Variants in NLGN1 observed in about 807,000 individuals in gnomAD.
NLGN1 encodes the protein neuroligin-1.
NLGN1 carries 12 observed loss-of-function variants against 65.5 expected under a neutral mutation model. The ratio of observed to expected loss-of-function variants is 0.18; its 90% confidence interval spans 0.12 to 0.30. The LOEUF (loss-of-function observed/expected upper bound fraction) is 0.30, where lower values mean the gene tolerates loss of function less well. Among genes scored for constraint, NLGN1 ranks in the 10% least tolerant of loss-of-function variants. NLGN1 has a pLI of 1.00. For synonymous variants in NLGN1, 350 were observed against 359.5 expected (o/e 0.97, Z 0.30); for missense variants, 750 against 1,007.1 (o/e 0.74, Z 3.46).
In NLGN1 at chr3:173,650,992, T is replaced by C. The variant is rs181233464; in HGVS notation, c.493+45901T>C. Among the ~76,000 whole-genome samples the C allele has an allele frequency of 3.6e-3, 554 of 152,066 alleles. 1 individual carries two copies. Among genetic ancestry groups the C allele is most frequent in the Non-Finnish European group, 6.3e-3 (429 of 67,964 alleles). ...GCATTTTTGATACATGGATAAATTG[T>C]GTAGTGTTGAAGTCTGGGCTTTTAA... On this transcript the variant is annotated intron_variant, in intron 3 of 6. Coordinates refer to ENST00000457714, the Ensembl canonical transcript of NLGN1.
At chr3:174,294,332 A>G in the NLGN1 span, among the ~76,000 whole-genome samples, 1 of 151,790 alleles carries the variant, frequency 6.6e-6, no homozygotes, top group South Asian at 2.1e-4. Context: ...ATGAAATTAT[A>G]AGAGTTCTCT....
At chr3:174,189,118 G>C (rs1425281817) in intron 4 of NLGN1, among the ~76,000 whole-genome samples, 1 of 151,872 alleles carries the variant, frequency 6.6e-6, no homozygotes, top group Non-Finnish European at 1.5e-5. Flanking sequence ...ATTTTTAAAG[G>C]GTGGGTGTTT....
At chr3:173,857,910 C>T (rs1489139658) in intron 4 of NLGN1, among the ~76,000 whole-genome samples, 1 of 144,552 alleles carries the variant, frequency 6.9e-6, no homozygotes, top group Non-Finnish European at 1.5e-5. Context: ...CATTGAGCAT[C>T]TTCAGGGTGT....
At chr3:174,123,473 A>T (rs980486751) in intron 4 of NLGN1, among the ~76,000 whole-genome samples, 10 of 152,136 alleles carry the variant, frequency 6.6e-5, no homozygotes, top group African/African-American at 2.2e-4. Flanking sequence ...GTTTGGAAAC[A>T]TTCCCTTCAC....
At chr3:173,834,260 T>C (rs1448864810) in intron 4 of NLGN1, among the ~76,000 whole-genome samples, 1 of 152,200 alleles carries the variant, frequency 6.6e-6, no homozygotes, top group Non-Finnish European at 1.5e-5. Context: ...ATTTAATTAA[T>C]AAGGCATTAC....
upstream of NLGN1, among the ~76,000 whole-genome samples, chr3:173,397,409 G>A (rs941871301): frequency 6.6e-6 from 1 of 152,026 alleles, no homozygotes; most frequent in Non-Finnish European, 1.5e-5. Flanking sequence ...GGGAGATGTG[G>A]GAACTTCCCC....
At chr3:173,886,911 C>A (rs1261818536) in intron 4 of NLGN1, among the ~76,000 whole-genome samples, 1 of 151,944 alleles carries the variant, frequency 6.6e-6, no homozygotes, top group Non-Finnish European at 1.5e-5. Flanking sequence ...TAGGCGAGTT[C>A]AAGAAAAAAT....
chr3:174,047,315 T>C (rs989376690), intron 4 of NLGN1, among the ~76,000 whole-genome samples: 2 of 152,050 alleles, frequency 1.3e-5, no homozygotes, highest in East Asian at 3.9e-4. Context: ...TATTGTACAG[T>C]AAACCCTAGG....
chr3:174,275,207 C>A, intron 4 of NLGN1, 108 bp from the exon 5 acceptor site: 3 of 765,890 alleles, frequency 3.9e-6, no homozygotes, highest in South Asian at 1.8e-5. Flanking sequence ...TACTAATGAA[C>A]TTGGACTGTC....
intron 2 of NLGN1, among the ~76,000 whole-genome samples, chr3:173,550,635 G>C (rs933222343): frequency 3.2e-5 from 1 of 31,694 alleles, no homozygotes; most frequent in Admixed American, 2.9e-4. Context: ...TTTGTAACCT[G>C]CAATGTCTTT....
chr3:173,492,547 G>A (rs932717584), intron 2 of NLGN1, among the ~76,000 whole-genome samples: 1 of 151,654 alleles, frequency 6.6e-6, no homozygotes, highest in Non-Finnish European at 1.5e-5. Flanking sequence ...TATTTTCTAG[G>A]CAAGGTTGAA....
intron 2 of NLGN1, among the ~76,000 whole-genome samples, chr3:173,544,259 CGTGTGTGTGT>C (rs3980148): frequency 6.9e-5 from 10 of 144,144 alleles, no homozygotes; most frequent in East Asian, 2.0e-4. Context: ...GATTATATTA[CGTGTGTGTGT>C]GTGTGTGTGT....
chr3:173,985,249 AC>A (rs1560779386), intron 4 of NLGN1, among the ~76,000 whole-genome samples: 2 of 152,160 alleles, frequency 1.3e-5, no homozygotes, highest in African/African-American at 4.8e-5. Flanking sequence ...GACAATTTGA[AC>A]CTTTTTGCTT....
intron 4 of NLGN1, among the ~76,000 whole-genome samples, chr3:173,975,562 G>A (rs180772149): frequency 9.9e-4 from 151 of 152,058 alleles, no homozygotes; most frequent in African/African-American, 3.4e-3. Flanking sequence ...ATAAAGATGA[G>A]TATAGAATCT....
Position 173,604,800 on chromosome 3 carries a change from G to C in NLGN1, c.202G>C (p.Glu68Gln), listed in dbSNP as rs774580240. 85 of 1,613,724 alleles carry C rather than the reference G, an allele frequency of 5.3e-5. 1 individual carries two copies. The highest frequency in any genetic ancestry group is 6.9e-5 in the Non-Finnish European group (81 of 1,179,760). The change falls in exon 3 of 7, where the codon GAA (glutamate) becomes CAA (glutamine). Residue 68 changes from glutamate (E) to glutamine (Q), a missense_variant. Glu to Gln is a conservative substitution (Grantham distance 29, BLOSUM62 2). Transcript: ENST00000457714. ...TGGAAAGATAAGAGGGATTAAGAAG[G>C]AACTCAATAATGAAATTTTGGGGCC...
At chr3:173,615,743 GTTTT>G (rs5854521) in intron 3 of NLGN1, among the ~76,000 whole-genome samples, 1 of 141,512 alleles carries the variant, frequency 7.1e-6, no homozygotes, top group Non-Finnish European at 1.5e-5. Flanking sequence ...CCATCCATCT[GTTTT>G]TTTTTTTTTT....
intron 4 of NLGN1, among the ~76,000 whole-genome samples, chr3:173,816,034 AAATAT>A (rs200950694): frequency 0.011 from 1,534 of 144,896 alleles, 17 homozygotes; most frequent in African/African-American, 0.036. Flanking sequence ...ACAAAATTAT[AAATAT>A]AATATAGTCA....
intron 2 of NLGN1, among the ~76,000 whole-genome samples, chr3:173,459,151 C>T (rs548079168): frequency 2.6e-5 from 4 of 152,090 alleles, no homozygotes; most frequent in Non-Finnish European, 5.9e-5. Flanking sequence ...ATTACATGAT[C>T]TTACAGCAGT....
At chr3:173,989,526 G>T (rs750591186) in intron 4 of NLGN1, among the ~76,000 whole-genome samples, 1 of 152,138 alleles carries the variant, frequency 6.6e-6, no homozygotes, top group Non-Finnish European at 1.5e-5. Flanking sequence ...ATGATGCAGT[G>T]AATCAAGTAT....
Sources: allele counts gnomAD v4.1 joint callset (sites outside exome capture counted in the v4.1 genomes callset), GRCh38; gene constraint gnomAD v4.1.1; transcripts MANE v1.5; gene names NCBI Gene and HGNC (gene_info 2026-07-23, HGNC 2026-07-21).